The following RFTN1 variants were observed in gnomAD, a reference collection of about 807,000 sequenced individuals.
The protein encoded by RFTN1 is raftlin.
In RFTN1, 26 loss-of-function variants were observed where a neutral mutation model predicts 46.5. That is an observed-to-expected ratio of 0.56 (90% confidence interval 0.41 to 0.78). RFTN1 has a LOEUF of 0.78. Ranked by LOEUF, RFTN1 falls within the 30% of genes least tolerant of loss-of-function variation. The pLI is 0.00. For missense variants in RFTN1, 693 were observed against 718.7 expected (o/e 0.96, Z 0.41); for synonymous variants, 261 against 284.2 (o/e 0.92, Z 0.82).
chr3:16,402,803 C>T lies in RFTN1; in HGVS notation c.441+6572G>A, dbSNP rs957722343. Among the ~76,000 whole-genome samples the T allele has an allele frequency of 6.6e-6, 1 of 152,076 alleles. No individual in the cohort carries two copies. The highest frequency in any genetic ancestry group is 1.5e-5 in the Non-Finnish European group (1 of 68,014). On this transcript the variant is annotated intron_variant, in intron 4 of 9. Coordinates refer to ENST00000334133, the MANE Select transcript of RFTN1 (RefSeq NM_015150.2). The surrounding 1 kb of genome is among the most constrained non-coding windows in gnomAD (Gnocchi z 4.5). ...GAAGGACAATGTACTCGGTTTAATC[C>T]AGGACAGTACACTCATTGAGTGGGA...
rs907922519 is a variant in RFTN1, at chr3:16,374,317, T to C, written c.826+3401A>G. Reference sequence around the variant, plus strand: ...TCATCAGGACACAGAAGGCAGGGGCTGATGACCGTGGGTGGGAGCTCAATA... The same window carrying C: ...TCATCAGGACACAGAAGGCAGGGGCCGATGACCGTGGGTGGGAGCTCAATA... On this transcript the variant is annotated intron_variant, in intron 5 of 9. Coordinates refer to ENST00000334133, the MANE Select transcript of RFTN1 (RefSeq NM_015150.2). The surrounding 1 kb of genome is among the most constrained non-coding windows in gnomAD (Gnocchi z 5.4). Among the ~76,000 whole-genome samples, 37 of 152,308 alleles carry C rather than the reference T, an allele frequency of 2.4e-4. No homozygotes were observed. The highest frequency in any genetic ancestry group is 8.4e-4 in the African/African-American group (35 of 41,570).
At position 16,370,136 on chromosome 3, in the gene RFTN1, C is replaced by A; in HGVS notation, c.970G>T (p.Asp324Tyr). 1 of 1,614,196 alleles carries A rather than the reference C, an allele frequency of 6.2e-7. No homozygotes were observed. The highest frequency in any genetic ancestry group is 1.6e-4 in the Middle Eastern group (1 of 6,062). Residue 324 changes from aspartate (D) to tyrosine (Y), a missense_variant, in exon 6 of 10, where the codon GAC becomes TAC. Physicochemically the swap from Asp to Tyr is radical, Grantham distance 160 (BLOSUM62 -3). Coordinates refer to ENST00000334133, the MANE Select transcript of RFTN1 (RefSeq NM_015150.2). This position sits in a 1 kb window ranked among gnomAD's most constrained non-coding sequence, Gnocchi z 5.5. ...LDANWLEHMS[D>Y]HFRKGGMLVN... ...AGCATGCCTCCTTTCCGGAAGTGGT[C>A]GCTCATGTGCTCTAACCAGTTGGCG...
chr3:16,446,725 G>A lies in RFTN1; in HGVS notation c.146-12688C>T, dbSNP rs2124894437. Among the ~76,000 whole-genome samples, 1 of 152,212 alleles carries A rather than the reference G, an allele frequency of 6.6e-6. No homozygotes were observed. Among genetic ancestry groups the A allele is most frequent in the South Asian group, 2.1e-4 (1 of 4,816 alleles). ...ATCTCAACTCCAAACAGCAGAAAAT[G>A]GAAAACAAGAGATTTCCCAAAAAGT... is the stretch of plus-strand genomic sequence containing the variant. On this transcript the variant is annotated intron_variant, in intron 2 of 9. Coordinates refer to ENST00000334133, the MANE Select transcript of RFTN1 (RefSeq NM_015150.2). The surrounding 1 kb of genome is among the most constrained non-coding windows in gnomAD (Gnocchi z 4.5).
intron 4 of RFTN1, among the ~76,000 whole-genome samples, chr3:16,405,709 A>G (rs914479749): frequency 1.3e-5 from 2 of 152,238 alleles, no homozygotes; most frequent in Non-Finnish European, 2.9e-5. Context: ...ATTTGGTGGA[A>G]AAATAATACT....
Position 16,509,678 on chromosome 3 carries a change from G to A in RFTN1, c.-9+3764C>T, listed in dbSNP as rs938177838. Among the ~76,000 whole-genome samples the A allele has an allele frequency of 1.3e-5, 2 of 152,164 alleles. No individual in the cohort carries two copies. Among genetic ancestry groups the A allele is most frequent in the Non-Finnish European group, 2.9e-5 (2 of 68,020 alleles). On this transcript the variant is annotated intron_variant, in intron 1 of 9. Coordinates refer to ENST00000334133, the MANE Select transcript of RFTN1 (RefSeq NM_015150.2). This position sits in a 1 kb window ranked among gnomAD's most constrained non-coding sequence, Gnocchi z 4.9. Reference sequence around the variant, plus strand: ...CCTTTGAATGTGTTTTCCAAGCCATGGTAAAGTGCCCTCGAGTAAAATACA... The same window carrying A: ...CCTTTGAATGTGTTTTCCAAGCCATAGTAAAGTGCCCTCGAGTAAAATACA...
intron 2 of RFTN1, among the ~76,000 whole-genome samples, chr3:16,493,119 C>T (rs2059910): frequency 0.37 from 56,812 of 152,056 alleles, 10,724 homozygotes; most frequent in Admixed American, 0.43. Context: ...TCCTTCTCCA[C>T]GGAGCTTGCT....
intron 4 of RFTN1, among the ~76,000 whole-genome samples, chr3:16,394,508 G>A (rs1291343243): frequency 2.0e-5 from 3 of 152,202 alleles, no homozygotes; most frequent in East Asian, 1.9e-4. Context: ...ACAAACAGGC[G>A]AAGCCACCCT....
Position 16,345,788 on chromosome 3 carries a change from CTGTGTGTGTG to C in RFTN1, c.1146+12134_1146+12143del, listed in dbSNP as rs370820242. On this transcript the variant is annotated intron_variant, in intron 7 of 9. Transcript: ENST00000334133. The surrounding 1 kb of genome is among the most constrained non-coding windows in gnomAD (Gnocchi z 5.2). ...TGAGCCAAAACCTTATAATAAATCT[CTGTGTGTGTG>C]TGTGTGTGTGTGTGTGTGTGCGCGC... 2.1e-4 allele frequency among the ~76,000 whole-genome samples: 27 copies of C among 127,254 alleles called. No homozygotes were observed. Among genetic ancestry groups the C allele is most frequent in the African/African-American group, 6.9e-4 (23 of 33,136 alleles). The allele number at this position is 127,254 out of a possible 152,430, so 83.5% of individuals were successfully genotyped here.
chr3:16,332,555 C>T (rs1393316223), intron 7 of RFTN1, among the ~76,000 whole-genome samples: 2 of 152,076 alleles, frequency 1.3e-5, no homozygotes, highest in Non-Finnish European at 2.9e-5. Flanking sequence ...AGGGATCTTA[C>T]CACGCCACGT....
chr3:16,455,637 G>T (rs1245243704), intron 2 of RFTN1, among the ~76,000 whole-genome samples: 1 of 152,116 alleles, frequency 6.6e-6, no homozygotes, highest in Non-Finnish European at 1.5e-5. Context: ...GGTGTTGGGG[G>T]TGGAGGTGTC....
chr3:16,405,181 C>T (rs751236397), intron 4 of RFTN1, among the ~76,000 whole-genome samples: 2 of 152,130 alleles, frequency 1.3e-5, no homozygotes, highest in Non-Finnish European at 1.5e-5. Context: ...CACGGACCTG[C>T]CAGCCACACA....
chr3:16,336,675 T>TA lies in RFTN1; in HGVS notation c.1147-9800dup, dbSNP rs202103565. The stretch of plus-strand genomic sequence containing the variant: ...TTCAAAGAGAATAATTTTTTTTTTT[T>TA]AAAAAAGCTTAGTTCTTAGATGCAG... On this transcript the variant is annotated intron_variant, in intron 7 of 9. Coordinates refer to ENST00000334133, the MANE Select transcript of RFTN1 (RefSeq NM_015150.2). This position sits in a 1 kb window ranked among gnomAD's most constrained non-coding sequence, Gnocchi z 6.0. Among the ~76,000 whole-genome samples the TA allele has an allele frequency of 7.6e-4, 115 of 151,778 alleles. 2 individuals carry two copies. The highest frequency in any genetic ancestry group is 1.5e-3 in the East Asian group (8 of 5,168).
At chr3:16,399,081 TTTA>T (rs1465463622) in intron 4 of RFTN1, among the ~76,000 whole-genome samples, 5 of 152,158 alleles carry the variant, frequency 3.3e-5, no homozygotes, top group Non-Finnish European at 5.9e-5. Context: ...TATAAGTCAT[TTTA>T]TTATTATTTC....
In RFTN1 at chr3:16,403,641, AATAT is replaced by A. The variant is rs545389476; in HGVS notation, c.441+5730_441+5733del. ...TATATATTTTATGTATATAATATAT[AATAT>A]ATATATAATATATATTTTATGTATA... On this transcript the variant is annotated intron_variant, in intron 4 of 9. Coordinates refer to ENST00000334133, the MANE Select transcript of RFTN1 (RefSeq NM_015150.2). Among the ~76,000 whole-genome samples the A allele has an allele frequency of 2.6e-3, 103 of 39,048 alleles. 21 individuals carry two copies. The highest frequency in any genetic ancestry group is 4.6e-3 in the South Asian group (7 of 1,524). 25.6% of individuals were successfully genotyped at this position (39,048 alleles called of 152,430 possible). A position where few individuals can be genotyped will look rare whatever the true frequency, so the allele number is the denominator to read the frequency against.
At position 16,345,855 on chromosome 3, in the gene RFTN1, T is replaced by TGTGTGC. The variant is rs1559843974; in HGVS notation, c.1146+12076_1146+12077insGCACAC. Among the ~76,000 whole-genome samples the TGTGTGC allele has an allele frequency of 5.4e-3, 332 of 61,712 alleles. 3 individuals are homozygous for TGTGTGC. The highest frequency in any genetic ancestry group is 8.1e-3 in the Admixed American group (57 of 7,018). 40.5% of individuals were successfully genotyped at this position (61,712 alleles called of 152,430 possible). A position where few individuals can be genotyped will look rare whatever the true frequency, so the allele number is the denominator to read the frequency against. On this transcript the variant is annotated intron_variant, in intron 7 of 9. Coordinates refer to ENST00000334133, the MANE Select transcript of RFTN1 (RefSeq NM_015150.2). The surrounding 1 kb of genome is among the most constrained non-coding windows in gnomAD (Gnocchi z 5.2). ...GCGCGCACGCGCACATGTGCATGTG[T>TGTGTGC]ATGTGTATAATCTCCTACTGGTTCT...
intron 2 of RFTN1, among the ~76,000 whole-genome samples, chr3:16,485,270 CT>C (rs1192983195): frequency 6.6e-6 from 1 of 152,022 alleles, no homozygotes; most frequent in South Asian, 2.1e-4. Flanking sequence ...GGGAATATTA[CT>C]CAGAAACAAA....
rs1198987055 is a variant in RFTN1 at position 16,513,302 on chromosome 3, G to A, written c.-9+140C>T. 1 of 152,612 alleles carries A rather than the reference G, an allele frequency of 6.6e-6. No individual in the cohort carries two copies. Among genetic ancestry groups the A allele is most frequent in the Non-Finnish European group, 1.5e-5 (1 of 68,368 alleles). The allele number at this position is 152,612 out of a possible 1,614,324, so 9.5% of individuals were successfully genotyped here. A position where few individuals can be genotyped will look rare whatever the true frequency, so the allele number is the denominator to read the frequency against. ...AGGGGGTGCTGCTCTGGCAGCTCCG[G>A]AGCCCCGGCAAAGAGCAACCTGCAG... On this transcript the variant is annotated intron_variant, in intron 1 of 9. Transcript: ENST00000334133. The surrounding 1 kb of genome is among the most constrained non-coding windows in gnomAD (Gnocchi z 5.4).
rs2076802115 is a variant in RFTN1 at position 16,506,163 on chromosome 3, A to C, written c.-9+7279T>G. Among the ~76,000 whole-genome samples, 1 of 152,168 alleles carries C rather than the reference A, an allele frequency of 6.6e-6. No homozygotes were observed. Among genetic ancestry groups the C allele is most frequent in the African/African-American group, 2.4e-5 (1 of 41,432 alleles). On this transcript the variant is annotated intron_variant, in intron 1 of 9. Transcript: ENST00000334133. This position sits in a 1 kb window ranked among gnomAD's most constrained non-coding sequence, Gnocchi z 4.8. ...AAATACGGGGATTGGGAAAGGCCAC[A>C]CCCAGAAGGTGACGTTTAAGCAAAA...
At chr3:16,347,193 G>GC (rs2071781164) in intron 7 of RFTN1, among the ~76,000 whole-genome samples, 1 of 152,256 alleles carries the variant, frequency 6.6e-6, no homozygotes, top group South Asian at 2.1e-4. Context: ...CCAGGCCCTT[G>GC]CCTCACCCAC....
Sources: allele counts gnomAD v4.1 joint callset (sites outside exome capture counted in the v4.1 genomes callset), GRCh38; gene constraint gnomAD v4.1.1; non-coding constraint Gnocchi (gnomAD v3.1); transcripts MANE v1.5; gene names NCBI Gene and HGNC (gene_info 2026-07-23, HGNC 2026-07-21).